Variants in ADARB2 observed in about 807,000 individuals in gnomAD.
ADARB2 encodes the protein adenosine deaminase RNA specific B2 (inactive).
In ADARB2, 25 loss-of-function variants were observed where a neutral mutation model predicts 62.2. That is an observed-to-expected ratio of 0.40 (90% confidence interval 0.29 to 0.56). ADARB2 has a LOEUF of 0.56. ADARB2 is among the 20% of genes least tolerant of loss of function. ADARB2 has a pLI of 0.43. For missense variants in ADARB2, 1,071 were observed against 1,077.4 expected, an observed-to-expected ratio of 0.99 and a Z score of 0.08; for synonymous variants, 572 against 500.8, an observed-to-expected ratio of 1.14 and a Z score of -1.90.
At chr10:1,439,108 C>T (rs1232146590) in intron 1 of ADARB2, among the ~76,000 whole-genome samples, 4 of 133,908 alleles carry the variant, frequency 3.0e-5, no homozygotes, top group South Asian at 2.5e-4. Flanking sequence ...GGAGGCAGGT[C>T]CTTCACTACG....
chr10:1,633,560 C>CTATCTATCTATCTATCTATCTA (rs778374115), intron 1 of ADARB2, among the ~76,000 whole-genome samples: 7 of 135,216 alleles, frequency 5.2e-5, no homozygotes, highest in African/African-American at 1.1e-4. Flanking sequence ...ATCTATCTAT[C>CTATCTATCTATCTATCTATCTA]TATCTATCTA....
At chr10:1,672,690 T>TCCCCC (rs1564364091) in intron 1 of ADARB2, among the ~76,000 whole-genome samples, 7 of 69,900 alleles carry the variant, frequency 1.0e-4, no homozygotes, top group East Asian at 4.9e-4. Context: ...GCACTTCCCT[T>TCCCCC]TCCTCCTTCC....
At chr10:1,656,803 T>C (rs1834177094) in intron 1 of ADARB2, among the ~76,000 whole-genome samples, 1 of 152,178 alleles carries the variant, frequency 6.6e-6, no homozygotes, top group South Asian at 2.1e-4. Flanking sequence ...GGGAAGGTTA[T>C]CTTAAAATTA....
intron 1 of ADARB2, among the ~76,000 whole-genome samples, chr10:1,453,946 A>G (rs1157239267): frequency 2.0e-5 from 3 of 152,220 alleles, no homozygotes; most frequent in Admixed American, 6.5e-5. Flanking sequence ...TAAAAATAAA[A>G]TTGCCATATA....
chr10:1,288,936 CAG>C (rs1489586591), intron 3 of ADARB2, among the ~76,000 whole-genome samples: 1 of 152,206 alleles, frequency 6.6e-6, no homozygotes, highest in Non-Finnish European at 1.5e-5. Context: ...AAGGGCATTC[CAG>C]AGTTAACCTG....
intron 5 of ADARB2, among the ~76,000 whole-genome samples, chr10:1,235,552 CCCGGTGTTTACTCCCCCCTG>C (rs1554746908): frequency 2.2e-5 from 1 of 46,044 alleles, no homozygotes; most frequent in Non-Finnish European, 4.7e-5. Context: ...CCCTCTCCCT[CCCGGTGTTTACTCCCCCCTG>C]CCTCCCGGTG....
chr10:1,385,884 G>T (rs1832521241), intron 1 of ADARB2, among the ~76,000 whole-genome samples: 1 of 152,074 alleles, frequency 6.6e-6, no homozygotes, highest in South Asian at 2.1e-4. Flanking sequence ...TTTCAAAGTA[G>T]CCAGAGAAAC....
chr10:1,214,762 T>C (rs1241280892), intron 7 of ADARB2, among the ~76,000 whole-genome samples: 1 of 152,266 alleles, frequency 6.6e-6, no homozygotes, highest in Non-Finnish European at 1.5e-5. Context: ...TCATCATGAA[T>C]AGATGAAAAC....
At chr10:1,522,557 A>C (rs1832085802) in intron 1 of ADARB2, among the ~76,000 whole-genome samples, 1 of 152,124 alleles carries the variant, frequency 6.6e-6, no homozygotes, top group African/African-American at 2.4e-5. Flanking sequence ...GACGAGGACA[A>C]CGTCTCCACT....
intron 1 of ADARB2, among the ~76,000 whole-genome samples, chr10:1,669,974 A>G (rs1348912739): frequency 6.6e-6 from 1 of 152,196 alleles, no homozygotes; most frequent in African/African-American, 2.4e-5. Flanking sequence ...ACACATGCAG[A>G]CTTGCACATG....
At chr10:1,608,999 G>A (rs1359886542) in intron 1 of ADARB2, among the ~76,000 whole-genome samples, 3 of 152,098 alleles carry the variant, frequency 2.0e-5, no homozygotes, top group Non-Finnish European at 4.4e-5. Context: ...CTGCCCCTGC[G>A]GATTGCACGG....
At chr10:1,674,721 T>G (rs1834439600) in intron 1 of ADARB2, among the ~76,000 whole-genome samples, 1 of 152,172 alleles carries the variant, frequency 6.6e-6, no homozygotes, top group African/African-American at 2.4e-5. Context: ...TCATCAACTG[T>G]AAGTGAGTAA....
At chr10:1,709,763 G>A (rs990033540) in intron 1 of ADARB2, among the ~76,000 whole-genome samples, 1 of 152,126 alleles carries the variant, frequency 6.6e-6, no homozygotes, top group African/African-American at 2.4e-5. Flanking sequence ...GGAAGCCCTT[G>A]GCACGTCAAC....
intron 1 of ADARB2, among the ~76,000 whole-genome samples, chr10:1,673,567 G>A (rs1480990892): frequency 6.6e-6 from 1 of 152,240 alleles, no homozygotes; most frequent in Non-Finnish European, 1.5e-5. Flanking sequence ...CCTTATTGAA[G>A]TAGCTGCGTG....
chr10:1,275,714 T>A lies in ADARB2; in HGVS notation c.1078-4645A>T, dbSNP rs576146228. ...ATGTTCCCCTTCCTGTGTCCATGTG[T>A]TCTCATTGTTCAGTTCCCACCTATG... On this transcript the variant is annotated intron_variant, in intron 3 of 9. Transcript: ENST00000381312. Among the ~76,000 whole-genome samples the A allele has an allele frequency of 5.4e-3, 760 of 140,450 alleles. 14 individuals carry two copies. Among genetic ancestry groups the A allele is most frequent in the African/African-American group, 0.019 (708 of 37,636 alleles). 92.1% of individuals were successfully genotyped at this position (140,450 alleles called of 152,430 possible). A position where few individuals can be genotyped will look rare whatever the true frequency, so the allele number is the denominator to read the frequency against.
At chr10:1,663,241 C>T (rs1280784299) in intron 1 of ADARB2, among the ~76,000 whole-genome samples, 2 of 152,238 alleles carry the variant, frequency 1.3e-5, no homozygotes, top group Non-Finnish European at 2.9e-5. Context: ...CTACTATTAA[C>T]ATCTTGCATC....
In ADARB2 at chr10:1,725,418, A is replaced by G. The variant is rs374247810; in HGVS notation, c.100+11633T>C. ...TTCTTGCAAAAATACATCAGAATAA[A>G]TCACATGTCACCGCTTCAGAGTCAC... On this transcript the variant is annotated intron_variant, in intron 1 of 9. Transcript: ENST00000381312. Among the ~76,000 whole-genome samples, 15 of 152,336 alleles carry G rather than the reference A, an allele frequency of 9.8e-5. No homozygotes were observed. The East Asian group carries it at 2.9e-3, about 29-fold the overall frequency.
At chr10:1,605,933 C>A (rs1032314535) in intron 1 of ADARB2, among the ~76,000 whole-genome samples, 1 of 152,274 alleles carries the variant, frequency 6.6e-6, no homozygotes, top group African/African-American at 2.4e-5. Flanking sequence ...GTCCATAGAA[C>A]AATCAGTTTG....
chr10:1,310,485 TC>T (rs1451669922), intron 3 of ADARB2, among the ~76,000 whole-genome samples: 1 of 152,042 alleles, frequency 6.6e-6, no homozygotes, highest in Non-Finnish European at 1.5e-5. Flanking sequence ...TAAGAATCCA[TC>T]TAAACCTACT....
Sources: gnomAD v4.1 joint callset for allele counts (sites outside exome capture counted in the v4.1 genomes callset) on GRCh38, gnomAD v4.1.1 for gene constraint, MANE v1.5 for transcripts, NCBI Gene and HGNC (gene_info 2026-07-23, HGNC 2026-07-21) for gene names.